Variants in ZNF430 observed in about 807,000 individuals in gnomAD.
ZNF430 encodes the protein zinc finger protein 430.
Under a neutral mutation model 56.7 loss-of-function variants are expected in ZNF430, and 35 were observed. That is an observed-to-expected ratio of 0.62 (90% CI 0.47 to 0.82). The LOEUF (loss-of-function observed/expected upper bound fraction) is 0.82, where lower values mean the gene tolerates loss of function less well. Among genes scored for constraint, ZNF430 ranks in the 40% least tolerant of loss-of-function variants. The pLI, the probability that ZNF430 is intolerant of heterozygous loss-of-function variation, is 0.00. For missense variants in ZNF430, 574 were observed against 661.0 expected, an observed-to-expected ratio of 0.87 and a Z score of 1.44; for synonymous variants, 212 against 224.3, an observed-to-expected ratio of 0.94 and a Z score of 0.49.
rs1967950961 is a variant in ZNF430, at chr19:21,034,100, T to C, written c.238T>C (p.Ser80Pro). ...NLVFLAGIAVSKPDLITCLEQ... is the reference protein window; with the variant it reads ...NLVFLAGIAVPKPDLITCLEQ... ...TTTCAATAAAGCAGGTATTGCTGTT[T>C]CTAAGCCAGACCTGATCACCTGTCT... The change falls in exon 4 of 5, where the codon TCT becomes CCT. Residue 80 changes from serine (S) to proline (P), a missense_variant. Ser to Pro is a moderately conservative substitution (Grantham distance 74, BLOSUM62 -1). Coordinates refer to ENST00000261560, the MANE Select transcript of ZNF430 (RefSeq NM_025189.4). 2 of 1,613,118 alleles carry C rather than the reference T, an allele frequency of 1.2e-6. No individual in the cohort carries two copies. Among genetic ancestry groups the C allele is most frequent in the Non-Finnish European group, 1.7e-6 (2 of 1,179,600 alleles).
intron 4 of ZNF430, among the ~76,000 whole-genome samples, chr19:21,040,958 A>G (rs1599499705): frequency 6.6e-6 from 1 of 152,164 alleles, no homozygotes; most frequent in Non-Finnish European, 1.5e-5. Context: ...TATTCAATAT[A>G]ATTACTGCCA....
intron 4 of ZNF430, among the ~76,000 whole-genome samples, chr19:21,045,368 A>G (rs1369404567): frequency 6.6e-6 from 1 of 152,132 alleles, no homozygotes; most frequent in Non-Finnish European, 1.5e-5. Context: ...TTCAATTTCC[A>G]TGTACTTGTG....
At chr19:21,023,478 A>ATATT (rs1223100287) in intron 2 of ZNF430, among the ~76,000 whole-genome samples, 1 of 152,198 alleles carries the variant, frequency 6.6e-6, no homozygotes, top group Non-Finnish European at 1.5e-5. Context: ...ATCTAATAAT[A>ATATT]TATTCCATTC....
At chr19:21,039,287 G>T (rs1022867101) in intron 4 of ZNF430, among the ~76,000 whole-genome samples, 1 of 150,728 alleles carries the variant, frequency 6.6e-6, no homozygotes, top group Non-Finnish European at 1.5e-5. Flanking sequence ...TAGAGACAGG[G>T]TCTTCCTATG....
intron 2 of ZNF430, 67 bp from the exon 3 acceptor site, chr19:21,033,389 A>G: frequency 6.5e-7 from 1 of 1,540,718 alleles, no homozygotes; most frequent in Non-Finnish European, 8.7e-7. Context: ...ACTTTAATTC[A>G]AATAATAAAT....
At chr19:21,038,777 G>T (rs551095873) in intron 4 of ZNF430, among the ~76,000 whole-genome samples, 1 of 152,160 alleles carries the variant, frequency 6.6e-6, no homozygotes, top group Non-Finnish European at 1.5e-5. Flanking sequence ...TCTTTTTCAT[G>T]GGTGTTTGGC....
chr19:21,052,224 T>G (rs1968296026), intron 4 of ZNF430, among the ~76,000 whole-genome samples: 1 of 152,106 alleles, frequency 6.6e-6, no homozygotes, highest in African/African-American at 2.4e-5. Flanking sequence ...TAAGACTTCT[T>G]TTTTTGCCTA....
chr19:21,055,815 A>G (rs1358313233), intron 4 of ZNF430, among the ~76,000 whole-genome samples: 2 of 152,252 alleles, frequency 1.3e-5, no homozygotes, highest in Admixed American at 6.5e-5. Context: ...GTGGCACTGC[A>G]GTCTCTCTGC....
chr19:21,034,007 C>A, intron 3 of ZNF430, 79 bp from the exon 4 acceptor site: 1 of 1,024,000 alleles, frequency 9.8e-7, no homozygotes, highest in Non-Finnish European at 1.4e-6. Context: ...TATTCTACCA[C>A]ATCCTCTTTA....
At position 21,057,990 on chromosome 19, in the gene ZNF430, A is replaced by G; in HGVS notation, c.1682A>G (p.Asn561Ser). 2 of 1,612,974 alleles carry G rather than the reference A, an allele frequency of 1.2e-6. No individual in the cohort carries two copies. Among genetic ancestry groups the G allele is most frequent in the South Asian group, 2.2e-5 (2 of 90,966 alleles). Residue 561 changes from asparagine to serine, a missense_variant, in exon 5 of 5, where the codon AAT becomes AGT. Physicochemically the swap from Asn to Ser is conservative, Grantham distance 46 (BLOSUM62 1). This residue lies in a region of ZNF430 where 213 missense variants were observed against 221.0 expected (regional missense o/e 0.96). Coordinates refer to ENST00000261560, the MANE Select transcript of ZNF430 (RefSeq NM_025189.4). ...TCCTCAAACCTTATTGAACAAAGTAATTCATACTGGAGAGAAACCCTACAA... is the reference window on the plus strand; with the variant it reads ...TCCTCAAACCTTATTGAACAAAGTAGTTCATACTGGAGAGAAACCCTACAA... ...NQSSNLIEQS[N>S]SYWRETLQM
intron 4 of ZNF430, chr19:21,034,539 CT>C (rs112328192): frequency 0.11 from 17,601 of 154,280 alleles, 955 homozygotes; most frequent in African/African-American, 0.19. Context: ...TTTTTTCTTT[CT>C]TTTTTTTTTT....
chr19:21,057,857 G>A lies in ZNF430; in HGVS notation c.1549G>A (p.Glu517Lys). Residue 517 changes from glutamate to lysine, a missense_variant, in exon 5 of 5, where the codon GAA becomes AAA. Coordinates refer to ENST00000261560, the MANE Select transcript of ZNF430 (RefSeq NM_025189.4). ...HIGDTSYKYLECDKAFSQSST... is the reference protein window; with the variant it reads ...HIGDTSYKYLKCDKAFSQSST... ...TGGAGATACATCTTACAAATACCTA[G>A]AATGTGATAAAGCCTTTAGCCAGTC... 6.2e-7 allele frequency: 1 copy of A among 1,613,632 alleles called. No individual in the cohort carries two copies. The highest frequency in any genetic ancestry group is 1.7e-5 in the Admixed American group (1 of 59,988).
Position 21,056,790 on chromosome 19 carries a change from G to C in ZNF430, c.482G>C (p.Cys161Ser). The stretch of plus-strand genomic sequence containing the variant: ...GATGAGTGTAATCTGCACAAAGAAT[G>C]TTATGATGAACTAAACCAGTGTTTG... ...SVDECNLHKE[C>S]YDELNQCLTT... Residue 161 changes from cysteine (C) to serine (S), a missense_variant, in exon 5 of 5, where the codon TGT becomes TCT. Around this residue, in one of 3 missense-constraint regions of ZNF430, gnomAD observed 346 missense variants for 399.1 expected, o/e 0.87. Coordinates refer to ENST00000261560, the MANE Select transcript of ZNF430 (RefSeq NM_025189.4). The C allele has an allele frequency of 3.7e-6, 6 of 1,613,946 alleles. No individual in the cohort carries two copies. Among genetic ancestry groups the C allele is most frequent in the Non-Finnish European group, 5.1e-6 (6 of 1,179,944 alleles).
intron 2 of ZNF430, among the ~76,000 whole-genome samples, chr19:21,030,771 C>T (rs185356155): frequency 2.0e-5 from 3 of 151,470 alleles, no homozygotes; most frequent in Non-Finnish European, 4.4e-5. Flanking sequence ...ACTTGCAGAT[C>T]CACATTACGT....
At chr19:21,021,823 ATTTTTTTTTTTTTTTTT>A (rs71174785) in intron 1 of ZNF430, among the ~76,000 whole-genome samples, 3 of 85,726 alleles carry the variant, frequency 3.5e-5, no homozygotes, top group African/African-American at 5.3e-5. Context: ...CCTGAGTTAG[ATTTTTTTTTTTTTTTTT>A]TTTTTTTTTT....
At chr19:21,029,113 G>A (rs1488774631) in intron 2 of ZNF430, among the ~76,000 whole-genome samples, 1 of 152,096 alleles carries the variant, frequency 6.6e-6, no homozygotes, top group Non-Finnish European at 1.5e-5. Flanking sequence ...TAAAGTAATT[G>A]TTTTCATTTT....
chr19:21,036,037 CTTACTA>C (rs1403613292), intron 4 of ZNF430: 1 of 152,116 alleles, frequency 6.6e-6, no homozygotes, highest in African/African-American at 2.4e-5. Flanking sequence ...AAATATGTCA[CTTACTA>C]TTACTGCGCA....
Position 21,043,102 on chromosome 19 carries a change from G to A in ZNF430, c.322+8918G>A, listed in dbSNP as rs1968135242. 2.0e-5 allele frequency among the ~76,000 whole-genome samples: 3 copies of A among 152,050 alleles called. No individual in the cohort carries two copies. The South Asian group carries it at 6.2e-4, about 31-fold the overall frequency. ...CTCTGATGATAGTTTTTTTGTTGTT[G>A]TGCGGAAGGTTTTTAGTTTAATTAG... On this transcript the variant is annotated intron_variant, in intron 4 of 4. Coordinates refer to ENST00000261560, the MANE Select transcript of ZNF430 (RefSeq NM_025189.4).
intron 4 of ZNF430, among the ~76,000 whole-genome samples, chr19:21,041,680 T>G (rs1968104806): frequency 6.6e-6 from 1 of 150,986 alleles, no homozygotes; most frequent in Non-Finnish European, 1.5e-5. Flanking sequence ...CAGGTTCCAG[T>G]GTGTGTTGTT....
Sources: allele counts gnomAD v4.1 joint callset (sites outside exome capture counted in the v4.1 genomes callset), GRCh38; gene constraint gnomAD v4.1.1; regional missense constraint gnomAD v4.1.1; transcripts MANE v1.5; gene names NCBI Gene and HGNC (gene_info 2026-07-23, HGNC 2026-07-21).